Variants in UBAP1 observed in about 807,000 individuals in gnomAD.
UBAP1 encodes the protein ubiquitin associated protein 1.
A neutral mutation model predicts 39.0 loss-of-function variants in UBAP1; 5 were observed. The ratio of observed to expected loss-of-function variants is 0.13; its 90% CI spans 0.07 to 0.27. The LOEUF (loss-of-function observed/expected upper bound fraction) is 0.27, where lower values mean the gene tolerates loss of function less well. UBAP1 is among the 10% of genes least tolerant of loss of function. UBAP1 has a pLI of 1.00. For synonymous variants in UBAP1, 211 were observed against 225.1 expected (o/e 0.94, Z 0.56); for missense variants, 490 against 608.1 (o/e 0.81, Z 2.04).
At chr9:34,250,819 T>C in intron 6 of UBAP1, 60 bp downstream of exon 6, 1 of 1,452,804 alleles carries the variant, frequency 6.9e-7, no homozygotes. Flanking sequence ...GTATCCATCC[T>C]GGTTTTCTCC....
rs1250357516 is a variant in UBAP1, at chr9:34,252,166, T to TG, written c.*636dup. Reference sequence around the variant, plus strand: ...CCAGCCTGTTTCTTTTGGCTTGGTTTGGACCACAGTCCTCTGCTACCCAGG... The same window carrying TG: ...CCAGCCTGTTTCTTTTGGCTTGGTTTGGGACCACAGTCCTCTGCTACCCAGG... On this transcript the variant is annotated 3_prime_UTR_variant, in exon 7 of 7. Coordinates refer to ENST00000297661, the MANE Select transcript of UBAP1 (RefSeq NM_016525.5). 6.5e-6 allele frequency: 1 copy of TG among 152,674 alleles called. No homozygotes were observed. Among genetic ancestry groups the TG allele is most frequent in the Admixed American group, 6.5e-5 (1 of 15,286 alleles). The allele number at this position is 152,674 out of a possible 1,614,324, so 9.5% of individuals were successfully genotyped here.
intron 1 of UBAP1, among the ~76,000 whole-genome samples, chr9:34,180,306 A>G (rs1260399522): frequency 6.6e-6 from 1 of 151,976 alleles, no homozygotes; most frequent in Non-Finnish European, 1.5e-5. Context: ...CACGAGGTCA[A>G]GAGTTCAAGA....
At chr9:34,187,868 T>G (rs1226771237) in intron 1 of UBAP1, among the ~76,000 whole-genome samples, 1 of 151,874 alleles carries the variant, frequency 6.6e-6, no homozygotes, top group East Asian at 1.9e-4. Context: ...CTTGGACTTG[T>G]GTGTCTCCTA....
chr9:34,249,206 G>A (rs2380925), intron 4 of UBAP1, among the ~76,000 whole-genome samples: 49,288 of 151,982 alleles, frequency 0.32, 9,804 homozygotes, highest in Non-Finnish European at 0.45. Context: ...TAGGGCAAAG[G>A]TGTGGAGTAC....
intron 1 of UBAP1, among the ~76,000 whole-genome samples, chr9:34,194,136 G>A (rs1830889026): frequency 6.6e-6 from 1 of 152,050 alleles, no homozygotes; most frequent in Non-Finnish European, 1.5e-5. Context: ...TTAGAATACC[G>A]AGTTCTAAAG....
chr9:34,189,737 A>G (rs1041131916), intron 1 of UBAP1, among the ~76,000 whole-genome samples: 4 of 151,936 alleles, frequency 2.6e-5, no homozygotes, highest in Admixed American at 2.6e-4. Context: ...CTTGGGTTCA[A>G]GCAGTTCTCC....
chr9:34,245,790 ACTCCC>A (rs1338401914), intron 4 of UBAP1, among the ~76,000 whole-genome samples: 2 of 125,258 alleles, frequency 1.6e-5, no homozygotes, highest in Non-Finnish European at 3.3e-5. Context: ...TGATAGACTG[ACTCCC>A]CCCTTTCCTA....
intron 1 of UBAP1, among the ~76,000 whole-genome samples, chr9:34,215,175 A>G (rs1223748083): frequency 6.6e-6 from 1 of 152,128 alleles, no homozygotes; most frequent in African/African-American, 2.4e-5. Context: ...TTGCACATGT[A>G]TGTTTATAGC....
intron 4 of UBAP1, 74 bp from the exon 5 acceptor site, chr9:34,249,705 C>T (rs1834367981): frequency 7.5e-6 from 11 of 1,459,158 alleles, no homozygotes; most frequent in Non-Finnish European, 1.0e-5. Flanking sequence ...ATGCCAACCC[C>T]TGGACTAGGC....
At chr9:34,223,913 T>C in intron 2 of UBAP1, 2 of 276,438 alleles carry the variant, frequency 7.2e-6, no homozygotes, top group Non-Finnish European at 1.4e-5. Context: ...TTTGTTTTTT[T>C]GTTTTTTGGG....
chr9:34,247,722 G>T (rs1217383545), intron 4 of UBAP1, among the ~76,000 whole-genome samples: 1 of 151,976 alleles, frequency 6.6e-6, no homozygotes, highest in Non-Finnish European at 1.5e-5. Flanking sequence ...CTCACCCGCT[G>T]TTTTTTCACT....
intron 1 of UBAP1, among the ~76,000 whole-genome samples, chr9:34,183,388 C>CA (rs1030809413): frequency 2.0e-5 from 3 of 150,808 alleles, no homozygotes; most frequent in Non-Finnish European, 3.0e-5. Flanking sequence ...CTAAAAAATA[C>CA]AAAAAAATTA....
rs1213110595 is a variant in UBAP1, at chr9:34,252,343, T to G, written c.*811T>G. The G allele has an allele frequency of 1.3e-5, 2 of 152,636 alleles. No homozygotes were observed. Among genetic ancestry groups the G allele is most frequent in the African/African-American group, 4.8e-5 (2 of 41,444 alleles). The allele number at this position is 152,636 out of a possible 1,614,324, so 9.5% of individuals were successfully genotyped here. ...ACAGCTTCCCCTCCAGCCCACTGCTTTAGGATGACACAATGAATAACACCT... is the reference window on the plus strand; with the variant it reads ...ACAGCTTCCCCTCCAGCCCACTGCTGTAGGATGACACAATGAATAACACCT... On this transcript the variant is annotated 3_prime_UTR_variant, in exon 7 of 7. Transcript: ENST00000297661.
chr9:34,204,219 C>A (rs886480027), intron 1 of UBAP1, among the ~76,000 whole-genome samples: 1 of 152,112 alleles, frequency 6.6e-6, no homozygotes, highest in African/African-American at 2.4e-5. Flanking sequence ...CCCAGCTACT[C>A]GGGAGGCTAA....
chr9:34,208,549 G>A (rs1209415206), intron 1 of UBAP1, among the ~76,000 whole-genome samples: 4 of 151,506 alleles, frequency 2.6e-5, no homozygotes, highest in East Asian at 1.9e-4. Flanking sequence ...AGGCCGAGGC[G>A]GGCAGATCAT....
chr9:34,183,932 G>A (rs1007744545), intron 1 of UBAP1, among the ~76,000 whole-genome samples: 4 of 151,782 alleles, frequency 2.6e-5, no homozygotes, highest in Admixed American at 2.0e-4. Flanking sequence ...CACCATGCCC[G>A]GCTAATTTTG....
Position 34,251,585 on chromosome 9 carries a change from G to C in UBAP1, c.*53G>C. The C allele has an allele frequency of 1.3e-6, 2 of 1,590,346 alleles. No individual in the cohort carries two copies. Among genetic ancestry groups the C allele is most frequent in the Non-Finnish European group, 8.6e-7 (1 of 1,169,480 alleles). On this transcript the variant is annotated 3_prime_UTR_variant, in exon 7 of 7. Transcript: ENST00000297661. ...AGAACCACCATCCCTGGGAGGCCCT[G>C]CAGAGCCCACCTGTGGGGAAAGAGA...
intron 1 of UBAP1, among the ~76,000 whole-genome samples, chr9:34,181,111 G>GTTTTCTT (rs1205629856): frequency 2.6e-4 from 9 of 35,284 alleles, no homozygotes; most frequent in Non-Finnish European, 4.2e-4. Context: ...CACCCGGCCT[G>GTTTTCTT]TTTTCTTTTT....
intron 1 of UBAP1, among the ~76,000 whole-genome samples, chr9:34,202,678 TCCCCGTCC>T (rs1199223231): frequency 7.2e-6 from 1 of 138,980 alleles, no homozygotes; most frequent in African/African-American, 2.6e-5. Flanking sequence ...TGTGTGTGTG[TCCCCGTCC>T]CCGTATATGT....
Sources: allele counts gnomAD v4.1 joint callset (sites outside exome capture counted in the v4.1 genomes callset), GRCh38; gene constraint gnomAD v4.1.1; transcripts MANE v1.5; gene names NCBI Gene and HGNC (gene_info 2026-07-23, HGNC 2026-07-21).